Variants in FBXO38 observed in about 807,000 individuals in gnomAD.
The protein encoded by FBXO38 is F-box only protein 38.
In FBXO38, 53 loss-of-function variants were observed where a neutral mutation model predicts 131.9. That is an observed-to-expected ratio of 0.40 (90% confidence interval 0.32 to 0.51). The LOEUF is 0.51. FBXO38 is among the 20% of genes least tolerant of loss of function. The probability of loss-of-function intolerance (pLI) is 0.53; values close to 1 mark genes in which losing one functional copy is unlikely to be tolerated. For synonymous variants in FBXO38, 452 were observed against 505.6 expected (o/e 0.89, Z 1.42); for missense variants, 1,076 against 1,475.6 (o/e 0.73, Z 4.44).
At chr5:148,396,370 C>G (rs1758478716) in intron 2 of FBXO38, among the ~76,000 whole-genome samples, 2 of 152,066 alleles carry the variant, frequency 1.3e-5, no homozygotes, top group South Asian at 4.1e-4. Context: ...CATTCAAATA[C>G]ATGTGGAGAT....
intron 13 of FBXO38, 71 bp from the exon 14 acceptor site, chr5:148,425,451 T>C: frequency 8.0e-7 from 1 of 1,246,206 alleles, no homozygotes; most frequent in Non-Finnish European, 1.1e-6. Context: ...TCCAGATCCC[T>C]GGAAACAGTA....
chr5:148,440,611 G>T, intron 20 of FBXO38, 84 bp downstream of exon 20: 1 of 789,582 alleles, frequency 1.3e-6, no homozygotes, highest in East Asian at 2.9e-5. Context: ...AGGCTGAGGT[G>T]GGAGGATCAC....
chr5:148,423,991 G>A lies in FBXO38; in HGVS notation c.1619-7G>A, dbSNP rs374684212. 69 of 1,606,038 alleles carry A rather than the reference G, an allele frequency of 4.3e-5. No individual in the cohort carries two copies. Among genetic ancestry groups the A allele is most frequent in the Non-Finnish European group, 5.3e-5 (62 of 1,177,378 alleles). The stretch of plus-strand genomic sequence containing the variant: ...TGGTTTTTACTTTGTGTATATTTTC[G>A]TTGAAGCATTAAATGAGATGGAAGA... On this transcript the variant is annotated splice_polypyrimidine_tract_variant and splice_region_variant and intron_variant, in intron 12 of 21. Transcript: ENST00000340253.
intron 15 of FBXO38, among the ~76,000 whole-genome samples, chr5:148,431,536 G>T (rs1754043262): frequency 6.6e-6 from 1 of 152,152 alleles, no homozygotes; most frequent in South Asian, 2.1e-4. Flanking sequence ...GATCATAAAA[G>T]TATTTTACTG....
intron 15 of FBXO38, among the ~76,000 whole-genome samples, chr5:148,429,400 G>A (rs1417478371): frequency 6.6e-6 from 1 of 151,392 alleles, no homozygotes; most frequent in Non-Finnish European, 1.5e-5. Context: ...CCATTCTCGT[G>A]CTATGATTTT....
intron 17 of FBXO38, among the ~76,000 whole-genome samples, chr5:148,438,054 A>G (rs565069102): frequency 8.3e-4 from 127 of 152,314 alleles, no homozygotes; most frequent in African/African-American, 3.0e-3. Flanking sequence ...TTAAATAAAT[A>G]TTTCCTAAAC....
chr5:148,424,054 G>T lies in FBXO38; in HGVS notation c.1675G>T (p.Gly559Ter). Residue 559 changes from glycine to a stop codon, truncating the protein, a stop_gained, in exon 13 of 22, where the codon GGA (glycine) becomes TGA (stop). Coordinates refer to ENST00000340253, the MANE Select transcript of FBXO38 (RefSeq NM_205836.3). LOFTEE classifies it high-confidence loss of function. The part of the protein sequence containing the change: ...QEDGEVVAES[G>*]NNTPAHSQAI... ...AGATGGAGAGGTGGTGGCCGAGAGT[G>T]GAAATAATACTCCAGCTCACAGCCA... 1 of 1,613,534 alleles carries T rather than the reference G, an allele frequency of 6.2e-7. No individual in the cohort carries two copies.
intron 17 of FBXO38, among the ~76,000 whole-genome samples, chr5:148,436,884 G>A (rs7735981): frequency 1 from 151,768 of 152,366 alleles, 75,616 homozygotes; most frequent in Middle Eastern, 1. Context: ...CTTTTACAGT[G>A]GAGAACACAG....
chr5:148,390,904 G>T (rs1042521071), intron 1 of FBXO38, among the ~76,000 whole-genome samples: 1 of 151,520 alleles, frequency 6.6e-6, no homozygotes, highest in Admixed American at 6.6e-5. Context: ...GAGGAAGAAG[G>T]GATTAAAAAA....
intron 5 of FBXO38, among the ~76,000 whole-genome samples, chr5:148,403,753 G>T (rs1342013146): frequency 6.6e-6 from 1 of 152,152 alleles, no homozygotes; most frequent in Non-Finnish European, 1.5e-5. Context: ...ATAAACAACT[G>T]ACCATTCAAG....
At chr5:148,429,136 C>T (rs773401939) in intron 15 of FBXO38, among the ~76,000 whole-genome samples, 1 of 152,170 alleles carries the variant, frequency 6.6e-6, no homozygotes, top group Admixed American at 6.5e-5. Flanking sequence ...CCTCCTATGA[C>T]ACCTTTTGTT....
At chr5:148,420,127 GT>G (rs71001489) in intron 12 of FBXO38, among the ~76,000 whole-genome samples, 136 of 141,476 alleles carry the variant, frequency 9.6e-4, no homozygotes, top group African/African-American at 1.8e-3. Context: ...TTTTTGTGGG[GT>G]TTTTTTTTTT....
intron 1 of FBXO38, among the ~76,000 whole-genome samples, chr5:148,393,725 A>C (rs1164963244): frequency 6.6e-6 from 1 of 152,194 alleles, no homozygotes; most frequent in East Asian, 1.9e-4. Context: ...GCCAAGGCAT[A>C]TTTAAATGAA....
chr5:148,412,058 G>A (rs1752792012), intron 9 of FBXO38, among the ~76,000 whole-genome samples: 1 of 152,014 alleles, frequency 6.6e-6, no homozygotes, highest in African/African-American at 2.4e-5. Context: ...TTATTTTCCT[G>A]TAGTGTTTCT....
At chr5:148,402,189 A>G (rs1581237375) in intron 4 of FBXO38, 44 bp downstream of exon 4, 2 of 1,581,304 alleles carry the variant, frequency 1.3e-6, no homozygotes, top group Middle Eastern at 1.7e-4. Context: ...CTGTTTATGA[A>G]ATAATAGACC....
chr5:148,414,151 C>T lies in FBXO38; in HGVS notation c.1109C>T (p.Ala370Val), dbSNP rs779899138. ...CTCTTTTTAGGCAGAATGGCTAATG[C>T]GGATCTGGTGAAGTATGGTTTGGCT... ...EFLLQSRMAN[A>V]DLVKYGLADV... The change falls in exon 10 of 22, where the codon GCG becomes GTG. Residue 370 changes from alanine to valine, a missense_variant. Transcript: ENST00000340253. The T allele has an allele frequency of 2.4e-5, 39 of 1,603,794 alleles. 1 individual carries two copies. Among genetic ancestry groups the T allele is most frequent in the South Asian group, 1.2e-4 (11 of 89,254 alleles).
rs1345413435 is a variant in FBXO38 at position 148,425,627 on chromosome 5, C to A, written c.1844C>A (p.Pro615His). 5 of 1,613,818 alleles carry A rather than the reference C, an allele frequency of 3.1e-6. No homozygotes were observed. The highest frequency in any genetic ancestry group is 4.2e-6 in the Non-Finnish European group (5 of 1,179,896). ...CTAGAACTCCAAGAAGTCTGGATTC[C>A]TAAGAACGGTACTCGGCGTTACTCT... Reference protein sequence around the residue: ...DSLELQEVWIPKNGTRRYSER... With the variant: ...DSLELQEVWIHKNGTRRYSER... Residue 615 changes from proline (P) to histidine (H), a missense_variant, in exon 14 of 22, where the codon CCT (proline) becomes CAT (histidine). Pro to His is a moderately conservative substitution (Grantham distance 77). This residue lies in a region of FBXO38 where 212 missense variants were observed against 221.2 expected (regional missense o/e 0.96). Coordinates refer to ENST00000340253, the MANE Select transcript of FBXO38 (RefSeq NM_205836.3).
intron 12 of FBXO38, among the ~76,000 whole-genome samples, chr5:148,420,603 AC>A (rs1753356235): frequency 6.6e-6 from 1 of 152,190 alleles, no homozygotes; most frequent in Admixed American, 6.5e-5. Flanking sequence ...GATTTAACAT[AC>A]ATTCCAGTTA....
chr5:148,433,432 A>G lies in FBXO38; in HGVS notation c.2662A>G (p.Lys888Glu). The change falls in exon 16 of 22, where the codon AAA (lysine) becomes GAA (glutamate). Residue 888 changes from lysine (K) to glutamate (E), a missense_variant. Transcript: ENST00000340253. ...TTTTTTGCCTTTTTTAGAAGTAGCC[A>G]AAACAAAGCCACGTCACGCCATGAA... ...VLLVSESEVA[K>E]TKPRHAMKRK... The G allele has an allele frequency of 6.2e-7, 1 of 1,611,294 alleles. No homozygotes were observed. Among genetic ancestry groups the G allele is most frequent in the Non-Finnish European group, 8.5e-7 (1 of 1,179,164 alleles).
Sources: gnomAD v4.1 joint callset for allele counts (sites outside exome capture counted in the v4.1 genomes callset) on GRCh38, gnomAD v4.1.1 for gene constraint, gnomAD v4.1.1 regional missense constraint, MANE v1.5 for transcripts, NCBI Gene and HGNC (gene_info 2026-07-23, HGNC 2026-07-21) for gene names.